Variants in P2RY10 observed in about 807,000 individuals in gnomAD.
P2RY10 encodes the protein P2Y receptor family member 10.
Under a neutral mutation model 12.1 loss-of-function variants are expected in P2RY10, and 4 were observed. That is an observed-to-expected ratio of 0.33 (90% confidence interval 0.16 to 0.76). P2RY10 has a LOEUF of 0.76. P2RY10 is among the 30% of genes least tolerant of loss of function. The pLI is 0.61. For synonymous variants in P2RY10, 112 were observed against 94.1 expected, an observed-to-expected ratio of 1.19 and a Z score of -1.10; for missense variants, 233 against 264.6, an observed-to-expected ratio of 0.88 and a Z score of 0.83.
At position 78,960,925 on chromosome X, in the gene P2RY10, C is replaced by T. The variant is rs1434087324; in HGVS notation, c.405C>T (p.Leu135=). ...TCAGTCTTCAAAGGTGCTTTTTTCT[C>T]CTCAAGCCCTTCAGGGCCAGAGACT... ...TCISLQRCFF[L]LKPFRARDWK... The change falls in exon 4 of 4, where the codon CTC becomes CTT. Residue 135 remains leucine (L), a synonymous_variant. Coordinates refer to ENST00000171757, the MANE Select transcript of P2RY10 (RefSeq NM_014499.4). 13 of 1,211,133 alleles carry T rather than the reference C, an allele frequency of 1.1e-5. No individual in the cohort carries two copies. Among genetic ancestry groups the T allele is most frequent in the Non-Finnish European group, 1.3e-5 (12 of 895,106 alleles).
chrX:78,963,516 C>G lies in P2RY10; in HGVS notation c.*1976C>G, dbSNP rs1176715372. ...TGTGGAGAAATGGAACTGCAATCCT[C>G]AAGAGTCACACTTCATATTCCTTCC... is the stretch of plus-strand genomic sequence containing the variant. On this transcript the variant is annotated 3_prime_UTR_variant, in exon 4 of 4. Coordinates refer to ENST00000171757, the MANE Select transcript of P2RY10 (RefSeq NM_014499.4). Among the ~76,000 whole-genome samples, 2 of 112,199 alleles carry G rather than the reference C, an allele frequency of 1.8e-5. No homozygotes were observed. The highest frequency in any genetic ancestry group is 3.8e-5 in the Non-Finnish European group (2 of 53,229).
intron 3 of P2RY10, among the ~76,000 whole-genome samples, chrX:78,959,083 A>C (rs1281247423): frequency 9.0e-6 from 1 of 111,648 alleles, no homozygotes; most frequent in Admixed American, 9.5e-5. Context: ...ACCCTTCCCC[A>C]TCTGAGAAAC....
At chrX:78,959,386 A>G (rs1215395090) in intron 3 of P2RY10, among the ~76,000 whole-genome samples, 2 of 111,310 alleles carry the variant, frequency 1.8e-5, no homozygotes, top group African/African-American at 6.5e-5. Context: ...ATTCTACAAG[A>G]TAGTTAAAGC....
At chrX:78,954,336 C>A (rs370755462) in intron 3 of P2RY10, among the ~76,000 whole-genome samples, 1 of 111,543 alleles carries the variant, frequency 9.0e-6, no homozygotes. Flanking sequence ...TACCTTCCTT[C>A]AATCATACCT....
chrX:78,949,938 A>G (rs1263931664), intron 2 of P2RY10, among the ~76,000 whole-genome samples: 1 of 111,742 alleles, frequency 8.9e-6, no homozygotes, highest in Non-Finnish European at 1.9e-5. Flanking sequence ...TGGTTAAAAA[A>G]TAAAAGAAAA....
In P2RY10 at chrX:78,960,680, G is replaced by A; in HGVS notation, c.160G>A (p.Ala54Thr). ...IFIPGLLANS[A>T]ALWVLCRFIS... The stretch of plus-strand genomic sequence containing the variant: ...CATTCCTGGTCTTCTGGCTAACAGT[G>A]CAGCCTTGTGGGTTCTGTGCCGCTT... The change falls in exon 4 of 4, where the codon GCA becomes ACA. Residue 54 changes from alanine to threonine, a missense_variant. Physicochemically the swap from Ala to Thr is moderately conservative, Grantham distance 58. Coordinates refer to ENST00000171757, the MANE Select transcript of P2RY10 (RefSeq NM_014499.4). The A allele has an allele frequency of 8.3e-7, 1 of 1,210,937 alleles. No homozygotes were observed. The highest frequency in any genetic ancestry group is 1.1e-6 in the Non-Finnish European group (1 of 895,007).
rs780119135 is a variant in P2RY10, at chrX:78,961,767, C to T, written c.*227C>T. 2.9e-5 allele frequency: 9 copies of T among 307,572 alleles called. No homozygotes were observed. The highest frequency in any genetic ancestry group is 1.7e-4 in the Admixed American group (3 of 17,174). 25.3% of individuals were successfully genotyped at this position (307,572 alleles called of 1,213,427 possible). ...ACCTGATTCCTCTTTAAAATTCAAGCCACTTTCTTATTTAAGAAACCTAGA... is the reference window on the plus strand; with the variant it reads ...ACCTGATTCCTCTTTAAAATTCAAGTCACTTTCTTATTTAAGAAACCTAGA... On this transcript the variant is annotated 3_prime_UTR_variant, in exon 4 of 4. Transcript: ENST00000171757.
intron 3 of P2RY10, among the ~76,000 whole-genome samples, chrX:78,955,001 G>A (rs1210479722): frequency 3.6e-5 from 4 of 111,885 alleles, no homozygotes; most frequent in African/African-American, 9.7e-5. Flanking sequence ...GGCAGAAAAC[G>A]GGGACGGGGT....
Position 78,961,051 on chromosome X carries a change from C to T in P2RY10, c.531C>T (p.Asn177=), listed in dbSNP as rs761466476. ...FPILRSTDLN[N]NKSCFADLGY... ...TCCTGAGAAGCACAGACTTAAACAA[C>T]AACAAGTCCTGCTTTGCTGATCTTG... is the stretch of plus-strand genomic sequence containing the variant. The change falls in exon 4 of 4, where the codon AAC becomes AAT. Residue 177 remains asparagine, a synonymous_variant. Coordinates refer to ENST00000171757, the MANE Select transcript of P2RY10 (RefSeq NM_014499.4). 2 of 1,211,513 alleles carry T rather than the reference C, an allele frequency of 1.7e-6. No individual in the cohort carries two copies. Among genetic ancestry groups the T allele is most frequent in the Non-Finnish European group, 2.2e-6 (2 of 895,230 alleles).
chrX:78,955,820 C>T (rs1286293798), intron 3 of P2RY10, among the ~76,000 whole-genome samples: 3 of 111,724 alleles, frequency 2.7e-5, no homozygotes, highest in African/African-American at 6.5e-5. Flanking sequence ...GGACACAGAT[C>T]GTTGTGGATG....
intron 1 of P2RY10, among the ~76,000 whole-genome samples, chrX:78,946,451 G>A (rs1267182451): frequency 2.7e-5 from 3 of 112,043 alleles, no homozygotes; most frequent in African/African-American, 9.8e-5. Context: ...GGGAGACTGT[G>A]CCAAATCATT....
chrX:78,952,899 G>A (rs1466829588), intron 3 of P2RY10, among the ~76,000 whole-genome samples: 1 of 112,024 alleles, frequency 8.9e-6, no homozygotes, highest in Admixed American at 9.5e-5. Flanking sequence ...TGGATGGGGA[G>A]CAGGAGAGAG....
At chrX:78,958,224 T>C (rs1355233745) in intron 3 of P2RY10, among the ~76,000 whole-genome samples, 4 of 112,873 alleles carry the variant, frequency 3.5e-5, no homozygotes, top group Admixed American at 1.9e-4. Context: ...TGCCACAATG[T>C]GCTCTTCACA....
At position 78,961,248 on chromosome X, in the gene P2RY10, G is replaced by A. The variant is rs761446476; in HGVS notation, c.728G>A (p.Arg243Gln). Reference sequence around the variant, plus strand: ...ATCAGTGAGAGGCAGAAAGCACTGCGGATGGTGTTCATGTGTGCTGCAGTC... The same window carrying A: ...ATCAGTGAGAGGCAGAAAGCACTGCAGATGGTGTTCATGTGTGCTGCAGTC... ...QGISERQKAL[R>Q]MVFMCAAVFF... The change falls in exon 4 of 4, where the codon CGG becomes CAG. Residue 243 changes from arginine (R) to glutamine (Q), a missense_variant. Physicochemically the swap from Arg to Gln is conservative, Grantham distance 43 (BLOSUM62 1). Transcript: ENST00000171757. 5 of 1,210,228 alleles carry A rather than the reference G, an allele frequency of 4.1e-6. No homozygotes were observed. The highest frequency in any genetic ancestry group is 1.8e-5 in the South Asian group (1 of 56,965).
rs1469775653 is a variant in P2RY10, at chrX:78,963,050, A to G, written c.*1510A>G. On this transcript the variant is annotated 3_prime_UTR_variant, in exon 4 of 4. Transcript: ENST00000171757. Reference sequence around the variant, plus strand: ...TTTCAAACGTTGTGGTTGTTGTTTCAGCACCATTTTAAAGAATTTGAATAC... The same window carrying G: ...TTTCAAACGTTGTGGTTGTTGTTTCGGCACCATTTTAAAGAATTTGAATAC... Among the ~76,000 whole-genome samples the G allele has an allele frequency of 8.9e-6, 1 of 111,808 alleles. No individual in the cohort carries two copies. Among genetic ancestry groups the G allele is most frequent in the Non-Finnish European group, 1.9e-5 (1 of 53,186 alleles).
rs778866522 is a variant in P2RY10 at position 78,961,186 on chromosome X, T to C, written c.666T>C (p.Thr222=). Residue 222 remains threonine, a synonymous_variant, in exon 4 of 4, where the codon ACT becomes ACC. Transcript: ENST00000171757. The part of the protein sequence containing the change: ...IIIAWCTWKT[T]ISLRQPPMAF... Reference sequence around the variant, plus strand: ...TCGCATGGTGTACCTGGAAAACTACTATATCCTTGAGACAGCCACCAATGG... The same window carrying C: ...TCGCATGGTGTACCTGGAAAACTACCATATCCTTGAGACAGCCACCAATGG... 1.7e-6 allele frequency: 2 copies of C among 1,210,631 alleles called. No homozygotes were observed. The highest frequency in any genetic ancestry group is 2.2e-6 in the Non-Finnish European group (2 of 894,364).
chrX:78,960,358 T>C (rs1211960355), intron 3 of P2RY10, 150 bp from the exon 4 acceptor site: 2 of 485,994 alleles, frequency 4.1e-6, no homozygotes, highest in Admixed American at 8.1e-5. Flanking sequence ...ATCAGTACTA[T>C]ATTTTCCTTG....
In P2RY10 at chrX:78,963,652, CT is replaced by C. The variant is rs1359986746; in HGVS notation, c.*2121del. ...CTACCATTTAAGTGGAATCTTTGAA[CT>C]TTTTTTTTGACATGTGAATCTCTAA... On this transcript the variant is annotated 3_prime_UTR_variant, in exon 4 of 4. Coordinates refer to ENST00000171757, the MANE Select transcript of P2RY10 (RefSeq NM_014499.4). Among the ~76,000 whole-genome samples the C allele has an allele frequency of 6.3e-5, 7 of 111,190 alleles. No homozygotes were observed. Among genetic ancestry groups the C allele is most frequent in the East Asian group, 2.8e-4 (1 of 3,579 alleles).
Position 78,960,590 on chromosome X carries a change from T to C in P2RY10, c.70T>C (p.Tyr24His). ...CAACAGTACCAGCACTGCTGAGATTTACTGTAATGTCACTAATGTGAAATT... is the reference window on the plus strand; with the variant it reads ...CAACAGTACCAGCACTGCTGAGATTCACTGTAATGTCACTAATGTGAAATT... ...GSNSTSTAEI[Y>H]CNVTNVKFQY... The change falls in exon 4 of 4, where the codon TAC (tyrosine) becomes CAC (histidine). Residue 24 changes from tyrosine to histidine, a missense_variant. Physicochemically the swap from Tyr to His is moderately conservative, Grantham distance 83. Transcript: ENST00000171757. The C allele has an allele frequency of 8.3e-7, 1 of 1,207,710 alleles. No individual in the cohort carries two copies. The highest frequency in any genetic ancestry group is 1.1e-6 in the Non-Finnish European group (1 of 891,658).
Sources: gnomAD v4.1 joint callset for allele counts (sites outside exome capture counted in the v4.1 genomes callset) on GRCh38, gnomAD v4.1.1 for gene constraint, MANE v1.5 for transcripts, NCBI Gene and HGNC (gene_info 2026-07-23, HGNC 2026-07-21) for gene names.